ARL3: variants seen among roughly 807,000 people sequenced by gnomAD.
ARL3 encodes the protein ADP-ribosylation factor-like protein 3.
Under a neutral mutation model 26.0 loss-of-function variants are expected in ARL3, and 9 were observed. The observed-to-expected ratio is 0.35, with a 90% CI of 0.21 to 0.60. The LOEUF (loss-of-function observed/expected upper bound fraction) is 0.60. Ranked by LOEUF, ARL3 falls within the 20% of genes least tolerant of loss-of-function variation. ARL3 has a pLI of 0.78. For synonymous variants in ARL3, 71 were observed against 78.4 expected (o/e 0.91, Z 0.50); for missense variants, 158 against 215.7 (o/e 0.73, Z 1.67).
intron 1 of ARL3, among the ~76,000 whole-genome samples, chr10:102,707,920 CT>C (rs893526735): frequency 2.0e-5 from 3 of 151,474 alleles, no homozygotes; most frequent in Non-Finnish European, 4.4e-5. Flanking sequence ...TTTCCTTTTT[CT>C]TTTTTTTGGG....
intron 3 of ARL3, among the ~76,000 whole-genome samples, chr10:102,695,197 A>T (rs1169531343): frequency 1.3e-5 from 2 of 152,224 alleles, no homozygotes; most frequent in Non-Finnish European, 2.9e-5. Context: ...TTGGGATTCT[A>T]TTAAATCTAT....
At chr10:102,682,390 C>T (rs550707885) in intron 5 of ARL3, among the ~76,000 whole-genome samples, 39 of 152,292 alleles carry the variant, frequency 2.6e-4, no homozygotes, top group African/African-American at 7.5e-4. Context: ...AAAGAAACCC[C>T]GGTTCCATCC....
chr10:102,687,041 A>G (rs2064191022), intron 4 of ARL3, among the ~76,000 whole-genome samples: 1 of 149,580 alleles, frequency 6.7e-6, no homozygotes, highest in African/African-American at 2.5e-5. Flanking sequence ...TGCCTCGCTA[A>G]TTTTTTTTGT....
In ARL3 at chr10:102,686,931, A is replaced by G. The variant is rs2064190471; in HGVS notation, c.316-930T>C. Among the ~76,000 whole-genome samples the G allele has an allele frequency of 1.6e-5, 2 of 126,968 alleles. 1 individual carries two copies. The highest frequency in any genetic ancestry group is 2.0e-4 in the Admixed American group (2 of 9,998). 83.3% of individuals were successfully genotyped at this position (126,968 alleles called of 152,430 possible). On this transcript the variant is annotated intron_variant, in intron 4 of 5. Transcript: ENST00000260746. ...TGCTCTGTTGCCCAGGCTGGAGTGC[A>G]GTGGCGCGATCTCGGCTCACTGCAA...
At chr10:102,701,091 CA>C (rs2064277677) in intron 2 of ARL3, among the ~76,000 whole-genome samples, 1 of 152,074 alleles carries the variant, frequency 6.6e-6, no homozygotes, top group South Asian at 2.1e-4. Flanking sequence ...GGAAGGTGAG[CA>C]AATCAGGGAC....
At chr10:102,682,091 G>A (rs1435369851) in intron 5 of ARL3, among the ~76,000 whole-genome samples, 2 of 152,278 alleles carry the variant, frequency 1.3e-5, no homozygotes, top group African/African-American at 4.8e-5. Flanking sequence ...GCCTGACCTC[G>A]AGGGCGCAGA....
At chr10:102,694,129 A>G (rs2064234831) in intron 3 of ARL3, among the ~76,000 whole-genome samples, 1 of 152,086 alleles carries the variant, frequency 6.6e-6, no homozygotes, top group South Asian at 2.1e-4. Context: ...CTGGGACTAC[A>G]GGCGCCTGCC....
intron 4 of ARL3, among the ~76,000 whole-genome samples, chr10:102,687,217 C>T (rs7091267): frequency 1 from 151,696 of 151,794 alleles, 75,799 homozygotes; most frequent in Middle Eastern, 1. Context: ...GAAGTGATTC[C>T]GCTACAGATG....
At chr10:102,706,275 C>G (rs2064311006) in intron 1 of ARL3, among the ~76,000 whole-genome samples, 2 of 152,070 alleles carry the variant, frequency 1.3e-5, no homozygotes. Flanking sequence ...CACGGTGAAA[C>G]CCTGTCTCTA....
chr10:102,705,235 C>T, intron 2 of ARL3, 111 bp downstream of exon 2: 1 of 1,315,202 alleles, frequency 7.6e-7, no homozygotes, highest in Non-Finnish European at 1.0e-6. Context: ...ATAGACTTTT[C>T]TCAGAGACAA....
chr10:102,698,720 G>A (rs377719922), intron 3 of ARL3, among the ~76,000 whole-genome samples: 1 of 152,140 alleles, frequency 6.6e-6, no homozygotes, highest in African/African-American at 2.4e-5. Context: ...CTAAAATCTC[G>A]GCCTCCACTT....
chr10:102,713,775 AAGG>A (rs1034520159), intron 1 of ARL3, among the ~76,000 whole-genome samples: 4 of 152,240 alleles, frequency 2.6e-5, no homozygotes, highest in East Asian at 1.9e-4. Context: ...ACAGCGCGAG[AAGG>A]AGGAGAGCTA....
intron 3 of ARL3, among the ~76,000 whole-genome samples, chr10:102,695,675 G>A (rs893239245): frequency 9.9e-5 from 15 of 151,998 alleles, no homozygotes; most frequent in Admixed American, 5.9e-4. Flanking sequence ...GTGCCGCCAC[G>A]CCCAGCTAAT....
chr10:102,692,549 G>A (rs902001650), intron 3 of ARL3, among the ~76,000 whole-genome samples: 3 of 150,436 alleles, frequency 2.0e-5, no homozygotes, highest in Non-Finnish European at 4.4e-5. Flanking sequence ...TCGAGGAGCT[G>A]GGATTACAGG....
chr10:102,686,098 G>C, intron 4 of ARL3, 97 bp from the exon 5 acceptor site: 5 of 1,000,584 alleles, frequency 5.0e-6, no homozygotes, highest in Non-Finnish European at 7.2e-6. Flanking sequence ...TTGAGACAGA[G>C]TCTCACTCTG....
chr10:102,678,365 T>C (rs2064140517), intron 5 of ARL3, among the ~76,000 whole-genome samples: 2 of 152,172 alleles, frequency 1.3e-5, no homozygotes, highest in Non-Finnish European at 2.9e-5. Flanking sequence ...ATGAAAAGGA[T>C]TAATTTAAAG....
At chr10:102,680,111 T>C (rs2064148510) in intron 5 of ARL3, among the ~76,000 whole-genome samples, 1 of 152,052 alleles carries the variant, frequency 6.6e-6, no homozygotes, top group Non-Finnish European at 1.5e-5. Context: ...GCCCGACTAA[T>C]ATTTTTGTAT....
At chr10:102,681,892 C>T (rs983096081) in intron 5 of ARL3, among the ~76,000 whole-genome samples, 1 of 152,116 alleles carries the variant, frequency 6.6e-6, no homozygotes, top group East Asian at 1.9e-4. Context: ...ACTGTAACAG[C>T]AGAAAGAGCT....
chr10:102,678,132 G>C (rs1416968376), intron 5 of ARL3, among the ~76,000 whole-genome samples: 1 of 152,150 alleles, frequency 6.6e-6, no homozygotes, highest in African/African-American at 2.4e-5. Flanking sequence ...CACTTGGGCA[G>C]CAGAACTAGA....
Sources: gnomAD v4.1 joint callset for allele counts (sites outside exome capture counted in the v4.1 genomes callset) on GRCh38, gnomAD v4.1.1 for gene constraint, MANE v1.5 for transcripts, NCBI Gene and HGNC (gene_info 2026-07-23, HGNC 2026-07-21) for gene names.